The following IL23R variants were observed in gnomAD, a reference collection of about 807,000 sequenced individuals.
The protein encoded by IL23R is interleukin 23 receptor, also known as interleukin-23 receptor.
IL23R carries 34 observed loss-of-function variants against 56.9 expected under a neutral mutation model. The ratio of observed to expected loss-of-function variants is 0.60; its 90% CI spans 0.45 to 0.80. IL23R has a LOEUF of 0.80. IL23R is among the 30% of genes least tolerant of loss of function. IL23R has a pLI of 0.00. For missense variants in IL23R, 635 were observed against 730.0 expected (o/e 0.87, Z 1.50); for synonymous variants, 230 against 249.2 (o/e 0.92, Z 0.73).
chr1:67,182,066 C>G lies in IL23R; in HGVS notation c.368-770C>G, dbSNP rs551162927. Among the ~76,000 whole-genome samples the G allele has an allele frequency of 9.7e-4, 148 of 152,338 alleles. No individual in the cohort carries two copies. The Middle Eastern group carries it at 0.031, about 32-fold the overall frequency. ...TACTGGGGGGTGCCTCCCAGTTAGGCTACTCAGAGGTCAGGGACCCACTTG... is the reference window on the plus strand; with the variant it reads ...TACTGGGGGGTGCCTCCCAGTTAGGGTACTCAGAGGTCAGGGACCCACTTG... On this transcript the variant is annotated intron_variant, in intron 3 of 10. Transcript: ENST00000347310.
At chr1:67,244,940 A>G (rs578222283) in intron 9 of IL23R, among the ~76,000 whole-genome samples, 1 of 152,302 alleles carries the variant, frequency 6.6e-6, no homozygotes, top group South Asian at 2.1e-4. Context: ...CTTCCTACCC[A>G]TGAGCATGGA....
intron 7 of IL23R, among the ~76,000 whole-genome samples, chr1:67,226,742 G>T (rs1570887459): frequency 6.6e-6 from 1 of 152,140 alleles, no homozygotes; most frequent in Non-Finnish European, 1.5e-5. Context: ...CATTTATTCA[G>T]TATTTTCCTG....
intron 4 of IL23R, among the ~76,000 whole-genome samples, chr1:67,196,756 G>T (rs918649564): frequency 5.9e-5 from 9 of 152,068 alleles, no homozygotes; most frequent in Non-Finnish European, 1.3e-4. Flanking sequence ...GATAACATAG[G>T]AAAATAATAT....
At position 67,168,228 on chromosome 1, in the gene IL23R, A is replaced by G. The variant is rs375545997; in HGVS notation, c.70+38A>G. The stretch of plus-strand genomic sequence containing the variant: ...ATGTATCTATTGCTATCTTTCATTC[A>G]ACAAATGGAATATTGAGTGATTATC... On this transcript the variant is annotated intron_variant, in intron 2 of 10. Transcript: ENST00000347310. The G allele has an allele frequency of 7.6e-5, 102 of 1,334,244 alleles. No individual in the cohort carries two copies. In the African/African-American group the frequency reaches 1.2e-3, roughly 15 times the overall value. The allele number at this position is 1,334,244 out of a possible 1,614,324, so 82.7% of individuals were successfully genotyped here. A position where few individuals can be genotyped will look rare whatever the true frequency, so the allele number is the denominator to read the frequency against.
rs531254380 is a variant in IL23R, at chr1:67,174,053, C to A, written c.367+4415C>A. ...TAGGACTGTATTATAGTTTATTTAA[C>A]CTTATTTTGGAAAATTAAGTTTGTT... On this transcript the variant is annotated intron_variant, in intron 3 of 10. Transcript: ENST00000347310. 2.0e-4 allele frequency among the ~76,000 whole-genome samples: 30 copies of A among 152,186 alleles called. 1 individual carries two copies. The highest frequency in any genetic ancestry group is 6.8e-3 in the Middle Eastern group (2 of 294).
intron 7 of IL23R, among the ~76,000 whole-genome samples, chr1:67,228,056 TCTTTCTCTGTC>T (rs1650810668): frequency 9.3e-6 from 1 of 108,046 alleles, no homozygotes; most frequent in South Asian, 2.8e-4. Context: ...TTTCTTTCTT[TCTTTCTCTGTC>T]TCTCTCTTTC....
At position 67,240,199 on chromosome 1, in the gene IL23R, C is replaced by T. The variant is rs1307957404; in HGVS notation, c.1066C>T (p.Leu356Phe). Reference sequence around the variant, plus strand: ...ATTAGACAACAGAGGAGACATTGGACTTTTATTGGGAATGATCGTCTTTGC... The same window carrying T: ...ATTAGACAACAGAGGAGACATTGGATTTTTATTGGGAATGATCGTCTTTGC... ...LTSDNRGDIGLLLGMIVFAVM... is the reference protein window; with the variant it reads ...LTSDNRGDIGFLLGMIVFAVM... Residue 356 changes from leucine (L) to phenylalanine (F), a missense_variant, in exon 9 of 11, where the codon CTT becomes TTT. Coordinates refer to ENST00000347310, the MANE Select transcript of IL23R (RefSeq NM_144701.3). The T allele has an allele frequency of 1.2e-6, 2 of 1,611,082 alleles. No individual in the cohort carries two copies. Among genetic ancestry groups the T allele is most frequent in the East Asian group, 2.2e-5 (1 of 44,850 alleles).
In IL23R at chr1:67,219,758, T is replaced by A. The variant is rs753317775; in HGVS notation, c.955+28T>A. ...GAGTGTACTTATATATTTTATTCTGTTGGGCTTTTCTTTATATATCTTTTC... is the reference window on the plus strand; with the variant it reads ...GAGTGTACTTATATATTTTATTCTGATGGGCTTTTCTTTATATATCTTTTC... On this transcript the variant is annotated intron_variant, in intron 7 of 10. Coordinates refer to ENST00000347310, the MANE Select transcript of IL23R (RefSeq NM_144701.3). The A allele has an allele frequency of 1.2e-4, 198 of 1,604,792 alleles. 4 individuals are homozygous for A. In the South Asian group the frequency reaches 2.1e-3, roughly 17 times the overall value.
intron 7 of IL23R, 116 bp from the exon 8 acceptor site, chr1:67,236,597 A>G: frequency 1.4e-6 from 1 of 725,362 alleles, no homozygotes; most frequent in Non-Finnish European, 2.6e-6. Context: ...CTTCAAGCCC[A>G]TTAAAGTTAT....
At chr1:67,173,488 A>C (rs1015977001) in intron 3 of IL23R, among the ~76,000 whole-genome samples, 2 of 152,152 alleles carry the variant, frequency 1.3e-5, no homozygotes, top group Non-Finnish European at 2.9e-5. Flanking sequence ...ACCACAACTC[A>C]AACTCCAAAA....
chr1:67,190,165 C>T (rs1463242825), intron 4 of IL23R, among the ~76,000 whole-genome samples: 1 of 152,194 alleles, frequency 6.6e-6, no homozygotes. Context: ...CCAGTAAAAT[C>T]ACATGTAGAG....
intron 10 of IL23R, 110 bp from the exon 11 acceptor site, chr1:67,258,368 G>C: frequency 1.4e-6 from 1 of 722,420 alleles, no homozygotes; most frequent in East Asian, 2.5e-5. Context: ...ATGAGAAAAT[G>C]GAGGGAGAAA....
chr1:67,167,686 T>C (rs1055689272), intron 1 of IL23R, among the ~76,000 whole-genome samples: 2 of 152,066 alleles, frequency 1.3e-5, no homozygotes, highest in African/African-American at 4.8e-5. Flanking sequence ...ATAATGCCGC[T>C]GCACTCCAGC....
At chr1:67,228,014 C>CT (rs1202312536) in intron 7 of IL23R, among the ~76,000 whole-genome samples, 2 of 82,852 alleles carry the variant, frequency 2.4e-5, no homozygotes, top group Admixed American at 1.3e-4. Context: ...TTCTTTCTTT[C>CT]TTTCTTCCTT....
intron 3 of IL23R, among the ~76,000 whole-genome samples, chr1:67,177,428 G>A (rs1401454927): frequency 6.6e-6 from 1 of 152,090 alleles, no homozygotes; most frequent in Non-Finnish European, 1.5e-5. Flanking sequence ...TTTGAGAAGT[G>A]TCTGTTCATA....
chr1:67,240,525 T>C (rs1195736433), intron 9 of IL23R, among the ~76,000 whole-genome samples: 1 of 152,198 alleles, frequency 6.6e-6, no homozygotes, highest in Non-Finnish European at 1.5e-5. Flanking sequence ...GTGACTTAAA[T>C]GAGGCTTAAA....
intron 1 of IL23R, among the ~76,000 whole-genome samples, chr1:67,166,858 G>A (rs946106153): frequency 2.0e-5 from 3 of 152,004 alleles, no homozygotes; most frequent in Non-Finnish European, 4.4e-5. Context: ...TTTTTTAAAT[G>A]TTACTAGATA....
upstream of IL23R, among the ~76,000 whole-genome samples, chr1:67,165,434 TA>T (rs776975658): frequency 6.6e-6 from 1 of 152,186 alleles, no homozygotes; most frequent in Non-Finnish European, 1.5e-5. Flanking sequence ...AAAATAGACC[TA>T]CCTTAGGATC....
intron 9 of IL23R, among the ~76,000 whole-genome samples, chr1:67,244,727 G>T (rs1652097136): frequency 6.6e-6 from 1 of 152,180 alleles, no homozygotes; most frequent in Non-Finnish European, 1.5e-5. Context: ...TTGTAGTATA[G>T]TTTGAAGTCA....
Sources: gnomAD v4.1 joint callset for allele counts (sites outside exome capture counted in the v4.1 genomes callset) on GRCh38, gnomAD v4.1.1 for gene constraint, MANE v1.5 for transcripts, NCBI Gene and HGNC (gene_info 2026-07-23, HGNC 2026-07-21) for gene names.